CFAP54: variants seen among roughly 807,000 people sequenced by gnomAD.
CFAP54 encodes the protein cilia and flagella associated protein 54, also known as cilia- and flagella-associated protein 54.
In CFAP54, 290 loss-of-function variants were observed where a neutral mutation model predicts 370.4. The ratio of observed to expected loss-of-function variants is 0.78; its 90% CI spans 0.71 to 0.86. CFAP54 has a LOEUF of 0.86. Ranked by LOEUF, CFAP54 falls within the 40% of genes least tolerant of loss-of-function variation. CFAP54 has a pLI of 0.00. For missense variants in CFAP54, 3,399 were observed against 3,528.7 expected (o/e 0.96, Z 0.93); for synonymous variants, 1,206 against 1,236.5 (o/e 0.98, Z 0.52).
intron 1 of CFAP54, among the ~76,000 whole-genome samples, chr12:96,497,785 A>G (rs537319789): frequency 3.3e-5 from 5 of 152,302 alleles, no homozygotes; most frequent in Admixed American, 6.5e-5. Context: ...AGAGTAATAA[A>G]TTTCGTTACA....
intron 9 of CFAP54, among the ~76,000 whole-genome samples, chr12:96,530,365 C>T (rs981926189): frequency 2.0e-5 from 3 of 152,314 alleles, no homozygotes; most frequent in African/African-American, 7.2e-5. Context: ...TGGCATGTGC[C>T]TGTAGTCCCA....
At chr12:96,764,020 A>C in intron 58 of CFAP54, 131 bp from the exon 59 acceptor site, 1 of 543,192 alleles carries the variant, frequency 1.8e-6, no homozygotes, top group Non-Finnish European at 3.2e-6. Context: ...TGTATTTCGA[A>C]TATCTTCTCA....
intron 22 of CFAP54, among the ~76,000 whole-genome samples, chr12:96,589,221 A>G (rs1956102442): frequency 6.6e-6 from 1 of 152,258 alleles, no homozygotes; most frequent in African/African-American, 2.4e-5. Flanking sequence ...AAGAGATTTC[A>G]AAAATGTATC....
At chr12:96,685,330 C>T (rs896145871) in intron 42 of CFAP54, 92 bp downstream of exon 42, 2 of 1,080,666 alleles carry the variant, frequency 1.9e-6, no homozygotes, top group Non-Finnish European at 2.8e-6. Context: ...GCCTCATGCA[C>T]ACTGGATTTC....
chr12:96,549,792 CTT>C (rs1955676123), intron 15 of CFAP54, among the ~76,000 whole-genome samples: 1 of 152,110 alleles, frequency 6.6e-6, no homozygotes, highest in African/African-American at 2.4e-5. Context: ...CTGTTTTTCT[CTT>C]ATATCTTACG....
intron 51 of CFAP54, 84 bp downstream of exon 51, chr12:96,740,145 T>C: frequency 1.3e-6 from 1 of 791,508 alleles, no homozygotes. Flanking sequence ...ATTATTTAGA[T>C]GAAGCAAAGG....
In CFAP54 at chr12:96,518,993, GT is replaced by G; in HGVS notation, c.865del (p.Tyr289ThrfsTer2). On this transcript the variant is annotated frameshift_variant, in exon 6 of 68. Transcript: ENST00000524981. LOFTEE classifies it high-confidence loss of function. The stretch of plus-strand genomic sequence containing the variant: ...CCTTGGTCCCGCTCCTGTCACTCAG[GT>G]ACTTGACATGGCGCGCTACTCTCTA... The part of the protein sequence containing the change: ...ESLVPLLSLR[Y>X]LTWRATLYTA... 6.5e-7 allele frequency: 1 copy of G among 1,536,016 alleles called. No individual in the cohort carries two copies. The highest frequency in any genetic ancestry group is 1.4e-5 in the African/African-American group (1 of 73,126).
At chr12:96,656,398 A>G (rs531818339) in intron 36 of CFAP54, among the ~76,000 whole-genome samples, 1 of 148,634 alleles carries the variant, frequency 6.7e-6, no homozygotes, top group African/African-American at 2.5e-5. Context: ...TTTTTTTGAG[A>G]TGGAGTTTTG....
chr12:96,686,060 G>A (rs900983127), intron 42 of CFAP54, among the ~76,000 whole-genome samples: 1 of 152,160 alleles, frequency 6.6e-6, no homozygotes, highest in Non-Finnish European at 1.5e-5. Context: ...AGTTTGCTAG[G>A]GCTATCATAA....
intron 64 of CFAP54, among the ~76,000 whole-genome samples, chr12:96,817,361 T>C (rs1958986306): frequency 6.6e-6 from 1 of 152,152 alleles, no homozygotes. Context: ...ATATCAGAAA[T>C]CTAATCGTTA....
chr12:96,665,420 C>T lies in CFAP54; in HGVS notation c.5563+1488C>T, dbSNP rs150526616. Among the ~76,000 whole-genome samples, 547 of 152,216 alleles carry T rather than the reference C, an allele frequency of 3.6e-3. 3 individuals carry two copies. Among genetic ancestry groups the T allele is most frequent in the African/African-American group, 0.013 (527 of 41,532 alleles). On this transcript the variant is annotated intron_variant, in intron 39 of 67. Coordinates refer to ENST00000524981, the MANE Select transcript of CFAP54 (RefSeq NM_001306084.2). ...GTGCCTATGTCCTGAATGGTATTGCCTAGGTTGTCTTCCAGGGCTTCTATA... is the reference window on the plus strand; with the variant it reads ...GTGCCTATGTCCTGAATGGTATTGCTTAGGTTGTCTTCCAGGGCTTCTATA...
At position 96,746,259 on chromosome 12, in the gene CFAP54, A is replaced by G. The variant is rs572691767; in HGVS notation, c.7684+2113A>G. Reference sequence around the variant, plus strand: ...AGTAAAAAAATAAACTAAACAAACAAAAAACAATAACAAACCTACTGTAAG... The same window carrying G: ...AGTAAAAAAATAAACTAAACAAACAGAAAACAATAACAAACCTACTGTAAG... On this transcript the variant is annotated intron_variant, in intron 55 of 67. Coordinates refer to ENST00000524981, the MANE Select transcript of CFAP54 (RefSeq NM_001306084.2). 1.4e-3 allele frequency among the ~76,000 whole-genome samples: 216 copies of G among 152,310 alleles called. 6 individuals are homozygous for G. The South Asian group carries it at 0.044, about 31-fold the overall frequency.
Position 96,663,785 on chromosome 12 carries a change from C to T in CFAP54, c.5461-45C>T, listed in dbSNP as rs78797745. 10,680 of 1,392,156 alleles carry T rather than the reference C, an allele frequency of 7.7e-3. 454 individuals carry two copies. The East Asian group carries it at 0.11, about 14-fold the overall frequency. The allele number at this position is 1,392,156 out of a possible 1,614,324, so 86.2% of individuals were successfully genotyped here. ...CATTTCAAGTAAGCGAAATTTTTAACTATAAATACCCGACTAATATTTGTT... is the reference window on the plus strand; with the variant it reads ...CATTTCAAGTAAGCGAAATTTTTAATTATAAATACCCGACTAATATTTGTT... On this transcript the variant is annotated intron_variant, in intron 38 of 67. Transcript: ENST00000524981.
chr12:96,749,254 G>C (rs1323752500), intron 55 of CFAP54, among the ~76,000 whole-genome samples: 1 of 152,218 alleles, frequency 6.6e-6, no homozygotes, highest in African/African-American at 2.4e-5. Context: ...GGAAGGGGCA[G>C]ACAGGCTTTC....
At chr12:96,652,754 C>A (rs1354208387) in intron 36 of CFAP54, among the ~76,000 whole-genome samples, 1 of 151,964 alleles carries the variant, frequency 6.6e-6, no homozygotes, top group African/African-American at 2.4e-5. Context: ...AGGAGAAGCA[C>A]TCTGAATATA....
Position 96,626,611 on chromosome 12 carries a change from TAGACTGTAA to T in CFAP54, c.3977-199_3977-191del, listed in dbSNP as rs536526384. ...AGATATTTAGAAAATAAATTTAATA[TAGACTGTAA>T]AGGATTCATTGATATTAGAAAAACA... On this transcript the variant is annotated intron_variant, in intron 29 of 67. Transcript: ENST00000524981. Among the ~76,000 whole-genome samples, 190 of 152,286 alleles carry T rather than the reference TAGACTGTAA, an allele frequency of 1.2e-3. 2 individuals are homozygous for T. Among genetic ancestry groups the T allele is most frequent in the Middle Eastern group, 6.8e-3 (2 of 294 alleles).
chr12:96,604,672 C>G (rs1956282344), intron 26 of CFAP54, among the ~76,000 whole-genome samples: 1 of 152,198 alleles, frequency 6.6e-6, no homozygotes, highest in Admixed American at 6.5e-5. Flanking sequence ...CCTACTCAAG[C>G]CTCAGCAGTG....
At chr12:96,685,537 G>GT (rs1373327300) in intron 42 of CFAP54, among the ~76,000 whole-genome samples, 5 of 126,178 alleles carry the variant, frequency 4.0e-5, no homozygotes, top group East Asian at 2.4e-4. Flanking sequence ...ATAACTACTT[G>GT]TTTTTTTTGT....
intron 63 of CFAP54, among the ~76,000 whole-genome samples, chr12:96,811,015 T>G (rs1958923579): frequency 6.6e-6 from 1 of 152,152 alleles, no homozygotes; most frequent in South Asian, 2.1e-4. Flanking sequence ...CCTTCTAACG[T>G]CCTTTGTTAC....
Sources: gnomAD v4.1 joint callset for allele counts (sites outside exome capture counted in the v4.1 genomes callset) on GRCh38, gnomAD v4.1.1 for gene constraint, MANE v1.5 for transcripts, NCBI Gene and HGNC (gene_info 2026-07-23, HGNC 2026-07-21) for gene names.